Variants in PCDHGA8 observed in about 807,000 individuals in gnomAD.
PCDHGA8 encodes the protein protocadherin gamma-A8.
Under a neutral mutation model 59.2 loss-of-function variants are expected in PCDHGA8, and 45 were observed. That is an observed-to-expected ratio of 0.76 (90% confidence interval 0.60 to 0.98). The LOEUF is 0.98. Among genes scored for constraint, PCDHGA8 ranks in the 50% least tolerant of loss-of-function variants. PCDHGA8 has a pLI of 0.00. For synonymous variants in PCDHGA8, 531 were observed against 519.0 expected (o/e 1.02, Z -0.32); for missense variants, 1,257 against 1,196.2 (o/e 1.05, Z -0.75).
At chr5:141,415,749 T>TG in intron 1 of PCDHGA8, 2 of 1,214,000 alleles carry the variant, frequency 1.6e-6, no homozygotes, top group Non-Finnish European at 1.1e-6. Context: ...GGTTTTTTTT[T>TG]TTTTTTTTTT....
intron 1 of PCDHGA8, among the ~76,000 whole-genome samples, chr5:141,438,579 CATACATACATACATATATATAT>C (rs1356926315): frequency 3.6e-5 from 2 of 55,782 alleles, no homozygotes; most frequent in Non-Finnish European, 6.0e-5. Context: ...GATATACATA[CATACATACATACATATATATAT>C]ATATATATAT....
At chr5:141,478,283 T>C (rs755297808) in intron 1 of PCDHGA8, 2 of 1,614,148 alleles carry the variant, frequency 1.2e-6, no homozygotes, top group South Asian at 2.2e-5. Context: ...GTGGAAGCAG[T>C]CTAGAGACCT....
intron 1 of PCDHGA8, among the ~76,000 whole-genome samples, chr5:141,484,454 G>A (rs932663778): frequency 6.6e-6 from 1 of 152,212 alleles, no homozygotes; most frequent in African/African-American, 2.4e-5. Context: ...AATTGGCTAC[G>A]TTAATGTGTA....
intron 3 of PCDHGA8, among the ~76,000 whole-genome samples, chr5:141,507,500 A>G (rs2099861039): frequency 6.6e-6 from 1 of 152,206 alleles, no homozygotes; most frequent in Admixed American, 6.5e-5. Flanking sequence ...GAGCTGTCCC[A>G]GGTCTGGTGG....
At chr5:141,497,500 T>G (rs1468175808) in intron 2 of PCDHGA8, among the ~76,000 whole-genome samples, 2 of 151,562 alleles carry the variant, frequency 1.3e-5, no homozygotes, top group Non-Finnish European at 2.9e-5. Context: ...CTCTCTCCTC[T>G]CTCTGCTTCC....
At chr5:141,503,743 G>C (rs1465272424) in intron 2 of PCDHGA8, among the ~76,000 whole-genome samples, 1 of 152,126 alleles carries the variant, frequency 6.6e-6, no homozygotes, top group Non-Finnish European at 1.5e-5. Context: ...TGATGGTATA[G>C]AGGTCACACA....
intron 1 of PCDHGA8, among the ~76,000 whole-genome samples, chr5:141,454,796 A>AT (rs61612330): frequency 0.026 from 2,045 of 77,400 alleles, 387 homozygotes; most frequent in East Asian, 0.04. Flanking sequence ...CATGGTTCTA[A>AT]TTTTTTTTTT....
In PCDHGA8 at chr5:141,489,872, T is replaced by A. The variant is rs2099693206; in HGVS notation, c.2425-4935T>A. 1 of 1,614,090 alleles carries A rather than the reference T, an allele frequency of 6.2e-7. No homozygotes were observed. The highest frequency in any genetic ancestry group is 8.5e-7 in the Non-Finnish European group (1 of 1,180,016). On this transcript the variant is annotated intron_variant, in intron 1 of 3. Coordinates refer to ENST00000398604, the MANE Select transcript of PCDHGA8 (RefSeq NM_032088.2). The surrounding 1 kb of genome is among the most constrained non-coding windows in gnomAD (Gnocchi z 4.5). ...GAAGCCCAGGCAAGACATCAGCTGG[T>A]GCTTACTGCTGTGGATGGGGGGACC...
intron 2 of PCDHGA8, among the ~76,000 whole-genome samples, chr5:141,502,067 CCTTCACCTGGGG>C (rs1307097799): frequency 6.6e-6 from 1 of 152,172 alleles, no homozygotes; most frequent in Non-Finnish European, 1.5e-5. Flanking sequence ...CCATTAGCCC[CCTTCACCTGGGG>C]CTGAGAACAC....
chr5:141,508,026 T>A (rs972124070), intron 3 of PCDHGA8: 3 of 152,314 alleles, frequency 2.0e-5, no homozygotes, highest in African/African-American at 7.2e-5. Context: ...GGCTGCGGTT[T>A]GCAGCTCAGC....
At chr5:141,409,897 A>C (rs549955923) in intron 1 of PCDHGA8, 1 of 1,613,086 alleles carries the variant, frequency 6.2e-7, no homozygotes, top group Non-Finnish European at 8.5e-7. Context: ...TGCTGTACCC[A>C]GCTCTGGGTC....
At chr5:141,470,957 TCCTCCCACCTCAG>T (rs2099244488) in intron 1 of PCDHGA8, among the ~76,000 whole-genome samples, 1 of 152,026 alleles carries the variant, frequency 6.6e-6, no homozygotes, top group South Asian at 2.1e-4. Flanking sequence ...CCTCAAGTGA[TCCTCCCACCTCAG>T]CCTCCCAAAG....
Position 141,485,227 on chromosome 5 carries a change from G to T in PCDHGA8, c.2425-9580G>T. Reference sequence around the variant, plus strand: ...AAATCTGGCGGTGGGCTACCCTTTTGTTCCTCTTTTACCACCTGGGTTACG... The same window carrying T: ...AAATCTGGCGGTGGGCTACCCTTTTTTTCCTCTTTTACCACCTGGGTTACG... On this transcript the variant is annotated intron_variant, in intron 1 of 3. Transcript: ENST00000398604. The surrounding 1 kb of genome is among the most constrained non-coding windows in gnomAD (Gnocchi z 5.7). The T allele has an allele frequency of 6.2e-7, 1 of 1,614,186 alleles. No individual in the cohort carries two copies. Among genetic ancestry groups the T allele is most frequent in the Non-Finnish European group, 8.5e-7 (1 of 1,180,020 alleles).
chr5:141,414,965 C>T lies in PCDHGA8; in HGVS notation c.2424+19728C>T, dbSNP rs564450666. On this transcript the variant is annotated intron_variant, in intron 1 of 3. Coordinates refer to ENST00000398604, the MANE Select transcript of PCDHGA8 (RefSeq NM_032088.2). ...GGCTACCTGGTGACCAAGGTGGTGG[C>T]GGTGGACAGAGACTCCGGCCAGAAC... The T allele has an allele frequency of 7.9e-5, 127 of 1,613,962 alleles. No homozygotes were observed. The highest frequency in any genetic ancestry group is 7.7e-5 in the Non-Finnish European group (91 of 1,180,046).
Position 141,489,343 on chromosome 5 carries a change from G to A in PCDHGA8, c.2425-5464G>A, listed in dbSNP as rs377697321. On this transcript the variant is annotated intron_variant, in intron 1 of 3. Coordinates refer to ENST00000398604, the MANE Select transcript of PCDHGA8 (RefSeq NM_032088.2). This position sits in a 1 kb window ranked among gnomAD's most constrained non-coding sequence, Gnocchi z 4.5. ...GGTGTCTGGGCAGCTTCGTTACTCA[G>A]TGGTGGAGGAGTCTGAGCCGGGGAC... The A allele has an allele frequency of 5.6e-6, 9 of 1,611,264 alleles. No individual in the cohort carries two copies. Among genetic ancestry groups the A allele is most frequent in the Non-Finnish European group, 7.6e-6 (9 of 1,178,202 alleles).
chr5:141,419,735 G>T (rs1013306543), intron 1 of PCDHGA8: 1 of 1,613,806 alleles, frequency 6.2e-7, no homozygotes, highest in Non-Finnish European at 8.5e-7. Context: ...AACAGGCGAG[G>T]TGCGCATGGT....
chr5:141,500,182 A>ATTTT lies in PCDHGA8; in HGVS notation c.2484-5209_2484-5206dup, dbSNP rs1199992745. Among the ~76,000 whole-genome samples the ATTTT allele has an allele frequency of 1.7e-3, 223 of 131,716 alleles. 2 individuals are homozygous for ATTTT. Among genetic ancestry groups the ATTTT allele is most frequent in the African/African-American group, 6.2e-3 (201 of 32,350 alleles). The allele number at this position is 131,716 out of a possible 152,430, so 86.4% of individuals were successfully genotyped here. On this transcript the variant is annotated intron_variant, in intron 2 of 3. Transcript: ENST00000398604. ...AAGAACATGCATGAGCTTCATTTTT[A>ATTTT]TTTTTATTTATTTATTTATTTATTT...
At chr5:141,505,599 G>T in intron 3 of PCDHGA8, 118 bp downstream of exon 3, 1 of 1,555,586 alleles carries the variant, frequency 6.4e-7, no homozygotes, top group Non-Finnish European at 8.7e-7. Context: ...CAGATCTTTC[G>T]GCAGGTCTGA....
At chr5:141,433,045 C>T (rs1183696623) in intron 1 of PCDHGA8, 1 of 1,614,196 alleles carries the variant, frequency 6.2e-7, no homozygotes, top group South Asian at 1.1e-5. Flanking sequence ...TCACCACGGA[C>T]TCGCGGAAGA....
Sources: gnomAD v4.1 joint callset for allele counts (sites outside exome capture counted in the v4.1 genomes callset) on GRCh38, gnomAD v4.1.1 for gene constraint, Gnocchi (gnomAD v3.1) non-coding constraint, MANE v1.5 for transcripts, NCBI Gene and HGNC (gene_info 2026-07-23, HGNC 2026-07-21) for gene names.